The following EFNA5 variants were observed in gnomAD, a reference collection of about 807,000 sequenced individuals.
EFNA5 encodes the protein ephrin A5, also known as ephrin-A5.
In EFNA5, 5 loss-of-function variants were observed where a neutral mutation model predicts 22.9. The observed-to-expected ratio is 0.22, with a 90% confidence interval of 0.11 to 0.46. The LOEUF (loss-of-function observed/expected upper bound fraction) is 0.46. Ranked by LOEUF, EFNA5 falls within the 20% of genes least tolerant of loss-of-function variation. The pLI, the probability that EFNA5 is intolerant of heterozygous loss-of-function variation, is 0.99. For synonymous variants in EFNA5, 113 were observed against 112.2 expected (o/e 1.01, Z -0.04); for missense variants, 237 against 293.3 (o/e 0.81, Z 1.40).
chr5:107,670,697 C>CAG lies in EFNA5; in HGVS notation c.-86_-85dup. 1 of 1,528,090 alleles carries CAG rather than the reference C, an allele frequency of 6.5e-7. No homozygotes were observed. Among genetic ancestry groups the CAG allele is most frequent in the Non-Finnish European group, 8.8e-7 (1 of 1,138,458 alleles). The allele number at this position is 1,528,090 out of a possible 1,614,324, so 94.7% of individuals were successfully genotyped here. On this transcript the variant is annotated 5_prime_UTR_variant, in exon 1 of 5. Coordinates refer to ENST00000333274, the MANE Select transcript of EFNA5 (RefSeq NM_001962.3). ...GGAGGGAGGGAGGCAGGCAAAGGGA[C>CAG]AGAGAGAGAGCGGGCGCCAAATAAA...
chr5:107,509,917 A>C (rs1488913657), intron 1 of EFNA5, among the ~76,000 whole-genome samples: 4 of 152,204 alleles, frequency 2.6e-5, no homozygotes, highest in Admixed American at 1.3e-4. Context: ...AGTTAATAAC[A>C]ATATGCTCCA....
intron 1 of EFNA5, among the ~76,000 whole-genome samples, chr5:107,549,171 A>G (rs1748232182): frequency 6.6e-6 from 1 of 152,200 alleles, no homozygotes; most frequent in Non-Finnish European, 1.5e-5. Flanking sequence ...AGAAAAAAAG[A>G]AAGCCCAAAT....
chr5:107,619,100 T>C (rs1430723826), intron 1 of EFNA5, among the ~76,000 whole-genome samples: 1 of 151,980 alleles, frequency 6.6e-6, no homozygotes, highest in Non-Finnish European at 1.5e-5. Context: ...TTCTTTTTTA[T>C]ATTTTTAGTA....
At chr5:107,504,049 A>G (rs1409873533) in intron 1 of EFNA5, among the ~76,000 whole-genome samples, 2 of 152,112 alleles carry the variant, frequency 1.3e-5, no homozygotes, top group African/African-American at 2.4e-5. Context: ...TCAGTCTAAC[A>G]TTTTCAAACA....
At chr5:107,495,724 A>G (rs552473282) in intron 1 of EFNA5, among the ~76,000 whole-genome samples, 1 of 152,342 alleles carries the variant, frequency 6.6e-6, no homozygotes, top group African/African-American at 2.4e-5. Flanking sequence ...GAGGAAAAAA[A>G]CAAATTAAAC....
chr5:107,552,764 ATGT>A (rs1188157777), intron 1 of EFNA5, among the ~76,000 whole-genome samples: 1 of 152,194 alleles, frequency 6.6e-6, no homozygotes, highest in African/African-American at 2.4e-5. Flanking sequence ...GAATGTTCTG[ATGT>A]TGTCATGTGC....
intron 1 of EFNA5, among the ~76,000 whole-genome samples, chr5:107,468,026 A>T (rs1750037997): frequency 6.6e-6 from 1 of 152,212 alleles, no homozygotes; most frequent in Non-Finnish European, 1.5e-5. Flanking sequence ...TATTTTCATG[A>T]TCACACTTCG....
chr5:107,390,006 A>G (rs1455590289), intron 2 of EFNA5, among the ~76,000 whole-genome samples: 1 of 152,200 alleles, frequency 6.6e-6, no homozygotes, highest in Non-Finnish European at 1.5e-5. Flanking sequence ...GTGATATGTG[A>G]GTACACAACA....
At chr5:107,448,761 T>G (rs930606077) in intron 1 of EFNA5, among the ~76,000 whole-genome samples, 14 of 150,790 alleles carry the variant, frequency 9.3e-5, no homozygotes, top group Admixed American at 8.6e-4. Context: ...ACCCGGGAGA[T>G]GGAGGTTGCA....
At chr5:107,506,802 C>T (rs1309649866) in intron 1 of EFNA5, among the ~76,000 whole-genome samples, 1 of 152,166 alleles carries the variant, frequency 6.6e-6, no homozygotes, top group Admixed American at 6.5e-5. Flanking sequence ...GTGAAACCTA[C>T]TCAGAATCCT....
intron 1 of EFNA5, among the ~76,000 whole-genome samples, chr5:107,463,496 C>T (rs1395400558): frequency 1.3e-5 from 2 of 151,964 alleles, no homozygotes; most frequent in Non-Finnish European, 2.9e-5. Flanking sequence ...CAATATTTTT[C>T]CAATAAAAAC....
chr5:107,509,126 A>G (rs1747308773), intron 1 of EFNA5, among the ~76,000 whole-genome samples: 1 of 152,222 alleles, frequency 6.6e-6, no homozygotes, highest in South Asian at 2.1e-4. Context: ...TTACATAACA[A>G]TGGTGACTAG....
intron 1 of EFNA5, among the ~76,000 whole-genome samples, chr5:107,437,260 G>C (rs970501661): frequency 5.9e-5 from 9 of 152,074 alleles, no homozygotes; most frequent in African/African-American, 1.9e-4. Flanking sequence ...GTAATGCTAG[G>C]GCATGATAAT....
chr5:107,628,531 T>A (rs1225152862), intron 1 of EFNA5, among the ~76,000 whole-genome samples: 1 of 152,216 alleles, frequency 6.6e-6, no homozygotes, highest in Non-Finnish European at 1.5e-5. Context: ...GTTTTTTTGT[T>A]ACTGTTTCCT....
chr5:107,530,750 C>G (rs74450369), intron 1 of EFNA5, among the ~76,000 whole-genome samples: 4,285 of 152,184 alleles, frequency 0.028, 88 homozygotes, highest in Non-Finnish European at 0.045. Context: ...CTGGTTCCCA[C>G]ACCTATAAAA....
intron 1 of EFNA5, among the ~76,000 whole-genome samples, chr5:107,521,456 CTATATATA>C (rs56039409): frequency 8.0e-6 from 1 of 124,420 alleles, no homozygotes; most frequent in South Asian, 2.5e-4. Context: ...CCACACCTGG[CTATATATA>C]TATATATATA....
chr5:107,609,021 T>C (rs1749773788), intron 1 of EFNA5, among the ~76,000 whole-genome samples: 3 of 152,210 alleles, frequency 2.0e-5, no homozygotes, highest in Admixed American at 2.0e-4. Context: ...TTCTGAGTGT[T>C]ATAGTTCTTC....
In EFNA5 at chr5:107,431,051, G is replaced by C. The variant is rs550059527; in HGVS notation, c.126-3542C>G. ...GGCCTCCCGAAGTGCTGGGATTACA[G>C]GCGTGAGCCACCGCGCCCGGCCACA... is the stretch of plus-strand genomic sequence containing the variant. On this transcript the variant is annotated intron_variant, in intron 1 of 4. Coordinates refer to ENST00000333274, the MANE Select transcript of EFNA5 (RefSeq NM_001962.3). Among the ~76,000 whole-genome samples the C allele has an allele frequency of 4.9e-4, 75 of 152,260 alleles. 1 individual carries two copies. Among genetic ancestry groups the C allele is most frequent in the Middle Eastern group, 3.4e-3 (1 of 294 alleles).
intron 1 of EFNA5, among the ~76,000 whole-genome samples, chr5:107,519,744 C>T (rs1473030539): frequency 6.6e-6 from 1 of 152,138 alleles, no homozygotes; most frequent in Non-Finnish European, 1.5e-5. Flanking sequence ...TGCAACTGTG[C>T]TTAAGTGAAT....
Sources: allele counts gnomAD v4.1 joint callset (sites outside exome capture counted in the v4.1 genomes callset), GRCh38; gene constraint gnomAD v4.1.1; transcripts MANE v1.5; gene names NCBI Gene and HGNC (gene_info 2026-07-23, HGNC 2026-07-21).